PIGN: variants seen among roughly 807,000 people sequenced by gnomAD.
PIGN encodes the protein phosphatidylinositol glycan anchor biosynthesis class N, also known as GPI ethanolamine phosphate transferase 1.
In PIGN, 117 loss-of-function variants were observed where a neutral mutation model predicts 125.4. The observed-to-expected ratio is 0.93, with a 90% CI of 0.80 to 1.09. The LOEUF (loss-of-function observed/expected upper bound fraction) is 1.09, where lower values mean the gene tolerates loss of function less well. Among genes scored for constraint, PIGN ranks in the 50% least tolerant of loss-of-function variants. The pLI, the probability that PIGN is intolerant of heterozygous loss-of-function variation, is 0.00. For synonymous variants in PIGN, 392 were observed against 377.8 expected (o/e 1.04, Z -0.44); for missense variants, 1,075 against 1,094.9 (o/e 0.98, Z 0.26).
At chr18:62,102,659 G>T in intron 21 of PIGN, 135 bp downstream of exon 21, 1 of 497,408 alleles carries the variant, frequency 2.0e-6, no homozygotes, top group Non-Finnish European at 3.5e-6. Context: ...CATCTTAAAT[G>T]AAAGCTTTCT....
intron 25 of PIGN, among the ~76,000 whole-genome samples, chr18:62,085,564 T>C (rs1281821896): frequency 2.6e-5 from 4 of 152,074 alleles, no homozygotes; most frequent in Non-Finnish European, 4.4e-5. Context: ...GGGCTGCTAG[T>C]GATTTTTTCA....
At position 62,074,835 on chromosome 18, in the gene PIGN, G is replaced by A. The variant is rs2033089892; in HGVS notation, c.2577-14C>T. On this transcript the variant is annotated splice_polypyrimidine_tract_variant and intron_variant, in intron 28 of 30. Coordinates refer to ENST00000640252, the MANE Select transcript of PIGN (RefSeq NM_176787.5). Reference sequence around the variant, plus strand: ...ATGAGAAAAAGGCTGGAAAAAAAAAGAAGGAAAAATTACATCTAATACAAC... The same window carrying A: ...ATGAGAAAAAGGCTGGAAAAAAAAAAAAGGAAAAATTACATCTAATACAAC... 6.3e-7 allele frequency: 1 copy of A among 1,585,596 alleles called. No homozygotes were observed. The highest frequency in any genetic ancestry group is 1.1e-5 in the South Asian group (1 of 88,460).
Position 62,108,616 on chromosome 18 carries a change from A to C in PIGN, c.1574+1218T>G, listed in dbSNP as rs2034748755. 2.0e-5 allele frequency among the ~76,000 whole-genome samples: 3 copies of C among 151,314 alleles called. No homozygotes were observed. The South Asian group carries it at 6.3e-4, about 32-fold the overall frequency. ...AAGTTAATTTTTTTTTTTGAGACAGAGTCTCACTCTGTCGCTCAGGCTGGA... is the reference window on the plus strand; with the variant it reads ...AAGTTAATTTTTTTTTTTGAGACAGCGTCTCACTCTGTCGCTCAGGCTGGA... On this transcript the variant is annotated intron_variant, in intron 17 of 30. Transcript: ENST00000640252.
chr18:62,100,349 C>A (rs774914473), intron 22 of PIGN, among the ~76,000 whole-genome samples: 2 of 152,136 alleles, frequency 1.3e-5, no homozygotes, highest in Non-Finnish European at 2.9e-5. Flanking sequence ...GAAGGGGGAA[C>A]CTTTGTACAT....
At chr18:62,158,362 C>T (rs1311219560) in intron 4 of PIGN, among the ~76,000 whole-genome samples, 5 of 152,114 alleles carry the variant, frequency 3.3e-5, no homozygotes, top group Non-Finnish European at 7.4e-5. Context: ...AAAGGGTATA[C>T]AGATGTTCAT....
At chr18:62,033,792 T>C (rs1027813667) in intron 23 of PIGN, among the ~76,000 whole-genome samples, 8 of 152,236 alleles carry the variant, frequency 5.3e-5, no homozygotes, top group Non-Finnish European at 7.3e-5. Context: ...ACTTTAAGTA[T>C]GCAGTGCACT....
chr18:62,022,863 G>A (rs601563), intron 23 of PIGN, among the ~76,000 whole-genome samples: 99,958 of 151,810 alleles, frequency 0.66, 34,419 homozygotes, highest in African/African-American at 0.87. Context: ...GAATCTGCAG[G>A]TGCTCAAGTC....
In PIGN at chr18:62,082,720, C is replaced by T; in HGVS notation, c.2529G>A (p.Met843Ile). 2 of 1,550,832 alleles carry T rather than the reference C, an allele frequency of 1.3e-6. No homozygotes were observed. The highest frequency in any genetic ancestry group is 1.4e-5 in the African/African-American group (1 of 73,540). Residue 843 changes from methionine to isoleucine, a missense_variant, in exon 28 of 31, where the codon ATG (methionine) becomes ATA (isoleucine). Around this residue, in one of 3 missense-constraint regions of PIGN, gnomAD observed 915 missense variants for 908.7 expected, o/e 1.01. Transcript: ENST00000640252. Reference protein sequence around the residue: ...WKILIPFVLVMCAFEAVQLTT... With the variant: ...WKILIPFVLVICAFEAVQLTT... ...TCAACTGAACTGCTTCAAAAGCACACATAACAAGAACAAAGGGGATTAAAA... is the reference window on the plus strand; with the variant it reads ...TCAACTGAACTGCTTCAAAAGCACATATAACAAGAACAAAGGGGATTAAAA...
At chr18:62,123,182 G>C (rs2035373762) in intron 14 of PIGN, among the ~76,000 whole-genome samples, 1 of 152,156 alleles carries the variant, frequency 6.6e-6, no homozygotes, top group Non-Finnish European at 1.5e-5. Flanking sequence ...CAAGGCTCCA[G>C]TGAGCCATGA....
intron 1 of PIGN, among the ~76,000 whole-genome samples, chr18:62,176,427 CG>C (rs1568261254): frequency 6.6e-6 from 1 of 151,912 alleles, no homozygotes; most frequent in African/African-American, 2.4e-5. Context: ...CTTAAAGAAA[CG>C]TCTCCAAATA....
rs747045046 is a variant in PIGN, at chr18:62,113,314, G to C, written c.1254C>G (p.Val418=). 19 of 1,585,756 alleles carry C rather than the reference G, an allele frequency of 1.2e-5. No homozygotes were observed. Among genetic ancestry groups the C allele is most frequent in the Non-Finnish European group, 1.6e-5 (19 of 1,169,900 alleles). The change falls in exon 16 of 31, where the codon GTC becomes GTG. Residue 418 remains valine, a splice_region_variant and synonymous_variant. Transcript: ENST00000640252. ...YIKHRKFDEV[V]SLCKELIHLA... is the part of the protein sequence containing the mutation. ...GATGAATTAGCTCCTTGCAAAGGGA[G>C]ACCTATGGAGAAAAAACATATATAA...
chr18:62,086,720 G>A (rs1181864304), intron 25 of PIGN, among the ~76,000 whole-genome samples: 1 of 151,670 alleles, frequency 6.6e-6, no homozygotes, highest in African/African-American at 2.4e-5. Context: ...CAGTGACTGT[G>A]TGATATTCAG....
At chr18:62,027,381 G>T (rs2144878108) in intron 23 of PIGN, among the ~76,000 whole-genome samples, 1 of 152,318 alleles carries the variant, frequency 6.6e-6, no homozygotes, top group Non-Finnish European at 1.5e-5. Flanking sequence ...AGGAGGTCCT[G>T]ACGACATGTG....
At chr18:62,117,579 A>C (rs1472502780) in intron 14 of PIGN, among the ~76,000 whole-genome samples, 2 of 152,018 alleles carry the variant, frequency 1.3e-5, no homozygotes, top group Non-Finnish European at 2.9e-5. Context: ...ATATGGTAAA[A>C]TGTTAACATT....
chr18:62,136,907 C>T (rs539275222), intron 14 of PIGN: 1 of 392,426 alleles, frequency 2.5e-6, no homozygotes, highest in Non-Finnish European at 4.5e-6. Flanking sequence ...CCTGGGACAG[C>T]AAAATCTGCT....
At chr18:62,120,568 T>C (rs1160051592) in intron 14 of PIGN, among the ~76,000 whole-genome samples, 1 of 152,052 alleles carries the variant, frequency 6.6e-6, no homozygotes, top group East Asian at 1.9e-4. Context: ...ATACTTATAA[T>C]TAAAATATAT....
intron 23 of PIGN, among the ~76,000 whole-genome samples, chr18:62,027,940 AAAG>A (rs1207765381): frequency 1.3e-5 from 2 of 152,174 alleles, no homozygotes; most frequent in Admixed American, 1.3e-4. Context: ...AAAGAAAAGA[AAAG>A]AAAAAGAAAA....
At chr18:62,030,682 A>G (rs2030183477) in intron 23 of PIGN, among the ~76,000 whole-genome samples, 1 of 152,234 alleles carries the variant, frequency 6.6e-6, no homozygotes, top group South Asian at 2.1e-4. Flanking sequence ...TTCATGTTGA[A>G]CTCTGATACT....
intron 23 of PIGN, among the ~76,000 whole-genome samples, chr18:62,030,140 T>C (rs1328539868): frequency 6.6e-6 from 1 of 152,204 alleles, no homozygotes; most frequent in Non-Finnish European, 1.5e-5. Flanking sequence ...AGCCAGAATG[T>C]CGGTTAGCAT....
Sources: gnomAD v4.1 joint callset for allele counts (sites outside exome capture counted in the v4.1 genomes callset) on GRCh38, gnomAD v4.1.1 for gene constraint, gnomAD v4.1.1 regional missense constraint, MANE v1.5 for transcripts, NCBI Gene and HGNC (gene_info 2026-07-23, HGNC 2026-07-21) for gene names.